DPH6: variants seen among roughly 807,000 people sequenced by gnomAD.
The protein encoded by DPH6 is diphthine--ammonia ligase.
DPH6 carries 33 observed loss-of-function variants against 38.2 expected under a neutral mutation model. That is an observed-to-expected ratio of 0.86 (90% CI 0.65 to 1.15). The LOEUF (loss-of-function observed/expected upper bound fraction) is 1.15. Among genes scored for constraint, DPH6 ranks in the 50% most tolerant of loss-of-function variants. The pLI is 0.00. For synonymous variants in DPH6, 108 were observed against 103.0 expected (o/e 1.05, Z -0.30); for missense variants, 325 against 320.0 (o/e 1.02, Z -0.12).
At chr15:35,308,028 T>G (rs2052107948) in intron 3 of DPH6, among the ~76,000 whole-genome samples, 1 of 152,058 alleles carries the variant, frequency 6.6e-6, no homozygotes, top group African/African-American at 2.4e-5. Context: ...TCCCAGCAAT[T>G]TGGGAGGCTG....
At chr15:35,181,605 G>A in the DPH6 span, among the ~76,000 whole-genome samples, 1 of 152,002 alleles carries the variant, frequency 6.6e-6, no homozygotes, top group Non-Finnish European at 1.5e-5. Context: ...TACTTTAACT[G>A]TCTTACATGA....
At chr15:35,387,299 G>A (rs2140950374) in intron 6 of DPH6, among the ~76,000 whole-genome samples, 1 of 152,150 alleles carries the variant, frequency 6.6e-6, no homozygotes, top group Non-Finnish European at 1.5e-5. Flanking sequence ...TTGTTCTATT[G>A]GCTTAGGATT....
Position 35,410,828 on chromosome 15 carries a change from T to C in DPH6, c.567+7A>G. The stretch of plus-strand genomic sequence containing the variant: ...GCTACATTTTGAGATCTAGTATAAA[T>C]TCTTACCTCTATGAGATAAGGCTCC... On this transcript the variant is annotated splice_region_variant and intron_variant, in intron 6 of 8. Transcript: ENST00000256538. 2 of 1,595,238 alleles carry C rather than the reference T, an allele frequency of 1.3e-6. No individual in the cohort carries two copies.
chr15:35,146,878 G>A, the DPH6 span, among the ~76,000 whole-genome samples: 1 of 152,182 alleles, frequency 6.6e-6, no homozygotes, highest in Middle Eastern at 3.4e-3. Flanking sequence ...CTGTCCTGAT[G>A]TCCTACTATC....
chr15:35,319,517 G>C (rs1396323109), intron 3 of DPH6, among the ~76,000 whole-genome samples: 1 of 152,108 alleles, frequency 6.6e-6, no homozygotes, highest in East Asian at 1.9e-4. Context: ...GAGGCAGACG[G>C]ATCGCCTGAG....
chr15:35,237,479 G>A (rs2051561684), intron 3 of DPH6: 21 of 1,583,640 alleles, frequency 1.3e-5, no homozygotes, highest in Middle Eastern at 1.7e-4. Context: ...TGCAACCAAC[G>A]TAGGCCTCAC....
chr15:35,318,644 C>T (rs1163517936), intron 3 of DPH6, among the ~76,000 whole-genome samples: 1 of 152,072 alleles, frequency 6.6e-6, no homozygotes, highest in Admixed American at 6.6e-5. Flanking sequence ...AGCTAGAAAT[C>T]AAGAACTAAA....
chr15:35,213,078 T>TAA (rs1179274154), downstream of DPH6, among the ~76,000 whole-genome samples: 8 of 152,206 alleles, frequency 5.3e-5, no homozygotes, highest in Non-Finnish European at 1.0e-4. Flanking sequence ...GGGAAAGAAT[T>TAA]AAAGTTAGCC....
intron 3 of DPH6, among the ~76,000 whole-genome samples, chr15:35,472,909 A>G (rs2054215629): frequency 6.6e-6 from 1 of 151,858 alleles, no homozygotes; most frequent in African/African-American, 2.4e-5. Flanking sequence ...GTAGTTAAAA[A>G]AAAAAAAAAA....
chr15:35,327,506 T>C (rs572490318), downstream of DPH6, among the ~76,000 whole-genome samples: 4 of 152,138 alleles, frequency 2.6e-5, no homozygotes, highest in African/African-American at 4.8e-5. Context: ...CTGCCATGCC[T>C]GGCTAATTTT....
intron 3 of DPH6, among the ~76,000 whole-genome samples, chr15:35,494,609 C>T (rs2054524401): frequency 6.6e-6 from 1 of 151,998 alleles, no homozygotes; most frequent in Non-Finnish European, 1.5e-5. Context: ...TCATTCCTTT[C>T]AAATTTCATA....
chr15:35,468,108 T>C (rs2054150608), intron 3 of DPH6, among the ~76,000 whole-genome samples: 1 of 152,244 alleles, frequency 6.6e-6, no homozygotes, highest in African/African-American at 2.4e-5. Context: ...ATTTCTCAAA[T>C]TTCAATCTGC....
rs144815102 is a variant in DPH6, at chr15:35,443,653, C to T, written c.505+7032G>A. ...TGTCTCCAAGGTCCTGGTCTCAACCCTTCCTTTGAAATGTAAACAGATACC... is the reference window on the plus strand; with the variant it reads ...TGTCTCCAAGGTCCTGGTCTCAACCTTTCCTTTGAAATGTAAACAGATACC... On this transcript the variant is annotated intron_variant, in intron 5 of 8. Transcript: ENST00000256538. 8.1e-4 allele frequency among the ~76,000 whole-genome samples: 123 copies of T among 152,276 alleles called. 2 individuals are homozygous for T. The East Asian group carries it at 0.017, about 21-fold the overall frequency.
chr15:35,228,279 C>T (rs556825423), intron 3 of DPH6, among the ~76,000 whole-genome samples: 1 of 152,276 alleles, frequency 6.6e-6, no homozygotes, highest in South Asian at 2.1e-4. Flanking sequence ...TATTGTACTG[C>T]CCATGTCTTG....
chr15:35,378,909 C>T (rs1654246469), intron 7 of DPH6, among the ~76,000 whole-genome samples: 1 of 152,142 alleles, frequency 6.6e-6, no homozygotes, highest in Non-Finnish European at 1.5e-5. Flanking sequence ...ACCACCATGG[C>T]ACGTGTATAC....
chr15:35,297,684 C>G (rs940887100), intron 3 of DPH6, among the ~76,000 whole-genome samples: 2 of 151,912 alleles, frequency 1.3e-5, no homozygotes, highest in Non-Finnish European at 2.9e-5. Context: ...TGTGATTTTT[C>G]CATTTTATAT....
chr15:35,290,313 A>G (rs973518967), intron 3 of DPH6, among the ~76,000 whole-genome samples: 1 of 152,198 alleles, frequency 6.6e-6, no homozygotes, highest in Non-Finnish European at 1.5e-5. Context: ...TCAGAGGAAT[A>G]TGACGATGTG....
intron 3 of DPH6, among the ~76,000 whole-genome samples, chr15:35,296,272 C>T (rs979055178): frequency 1.3e-5 from 2 of 152,138 alleles, no homozygotes; most frequent in African/African-American, 4.8e-5. Flanking sequence ...TTTTGAAACA[C>T]TGGTTGGCCT....
intron 3 of DPH6, among the ~76,000 whole-genome samples, chr15:35,290,835 C>A (rs941329005): frequency 6.6e-6 from 1 of 151,438 alleles, no homozygotes; most frequent in Non-Finnish European, 1.5e-5. Flanking sequence ...CACATATAAT[C>A]CCAAGTAACT....
Sources: allele counts gnomAD v4.1 joint callset (sites outside exome capture counted in the v4.1 genomes callset), GRCh38; gene constraint gnomAD v4.1.1; transcripts MANE v1.5; gene names NCBI Gene and HGNC (gene_info 2026-07-23, HGNC 2026-07-21).